The following EBF1 variants were observed in gnomAD, a reference collection of about 807,000 sequenced individuals.
EBF1 encodes the protein EBF transcription factor 1.
A neutral mutation model predicts 68.4 loss-of-function variants in EBF1; 10 were observed. The ratio of observed to expected loss-of-function variants is 0.15; its 90% confidence interval spans 0.09 to 0.25. The LOEUF (loss-of-function observed/expected upper bound fraction) is 0.25. Ranked by LOEUF, EBF1 falls within the 10% of genes least tolerant of loss-of-function variation. The probability of loss-of-function intolerance (pLI) is 1.00; values close to 1 mark genes in which losing one functional copy is unlikely to be tolerated. For missense variants in EBF1, 509 were observed against 794.4 expected (o/e 0.64, Z 4.32); for synonymous variants, 298 against 299.8 (o/e 0.99, Z 0.06).
At chr5:158,755,721 C>T (rs945279590) in intron 10 of EBF1, among the ~76,000 whole-genome samples, 2 of 152,108 alleles carry the variant, frequency 1.3e-5, no homozygotes, top group Non-Finnish European at 2.9e-5. Flanking sequence ...CCTGCAAGGG[C>T]CTTGGTACAA....
At chr5:158,826,367 T>C (rs548718748) in intron 7 of EBF1, among the ~76,000 whole-genome samples, 1 of 152,340 alleles carries the variant, frequency 6.6e-6, no homozygotes, top group Non-Finnish European at 1.5e-5. Flanking sequence ...AGATTCCCTT[T>C]CTGAGCCTCA....
chr5:158,717,305 C>T lies in EBF1; in HGVS notation c.1126-3123G>A, dbSNP rs1478031088. 7.9e-5 allele frequency among the ~76,000 whole-genome samples: 12 copies of T among 152,088 alleles called. No homozygotes were observed. In the East Asian group the frequency reaches 9.6e-4, roughly 12 times the overall value. ...AATTTCACATTAGGAAATGATTGAGCCTTGGATGTTAAAAAAAGAAATTTC... is the reference window on the plus strand; with the variant it reads ...AATTTCACATTAGGAAATGATTGAGTCTTGGATGTTAAAAAAAGAAATTTC... On this transcript the variant is annotated intron_variant, in intron 11 of 15. Coordinates refer to ENST00000313708, the MANE Select transcript of EBF1 (RefSeq NM_024007.5).
chr5:158,854,247 TAAAAACAATAA>T (rs1793537210), intron 6 of EBF1, among the ~76,000 whole-genome samples: 1 of 152,186 alleles, frequency 6.6e-6, no homozygotes, highest in Admixed American at 6.5e-5. Context: ...CATTTTAAAA[TAAAAACAATAA>T]CAAAACAAGG....
chr5:158,767,909 G>T (rs554146080), intron 10 of EBF1, among the ~76,000 whole-genome samples: 2 of 152,074 alleles, frequency 1.3e-5, no homozygotes, highest in Admixed American at 6.6e-5. Flanking sequence ...TTCAGATATC[G>T]TTAGGGTTTT....
rs569821714 is a variant in EBF1 at position 159,064,330 on chromosome 5, C to G, written c.554+9066G>C. 1.2e-4 allele frequency among the ~76,000 whole-genome samples: 19 copies of G among 152,090 alleles called. No individual in the cohort carries two copies. In the South Asian group the frequency reaches 3.7e-3, roughly 30 times the overall value. Reference sequence around the variant, plus strand: ...GAAATAAAAGAGACATTATGAAATACTGAAAACAGTGTTTTTAGCTGAGCA... The same window carrying G: ...GAAATAAAAGAGACATTATGAAATAGTGAAAACAGTGTTTTTAGCTGAGCA... On this transcript the variant is annotated intron_variant, in intron 6 of 15. Coordinates refer to ENST00000313708, the MANE Select transcript of EBF1 (RefSeq NM_024007.5).
chr5:159,079,450 C>CAT (rs1209440937), intron 5 of EBF1, among the ~76,000 whole-genome samples: 3 of 152,180 alleles, frequency 2.0e-5, no homozygotes, highest in Admixed American at 1.3e-4. Flanking sequence ...ATTTCAACCA[C>CAT]ATAATACGGG....
intron 6 of EBF1, among the ~76,000 whole-genome samples, chr5:158,926,502 G>A (rs1809720385): frequency 6.6e-6 from 1 of 151,968 alleles, no homozygotes; most frequent in Non-Finnish European, 1.5e-5. Flanking sequence ...AAAGTGGGTG[G>A]ATCACAAGGT....
At position 158,879,907 on chromosome 5, in the gene EBF1, G is replaced by A. The variant is rs554790409; in HGVS notation, c.555-39797C>T. ...TTCTGTGTCTGTCTCTCTCTCTCCC[G>A]AACCAGGCTTTCTGGAACATCAGGG... is the stretch of plus-strand genomic sequence containing the variant. On this transcript the variant is annotated intron_variant, in intron 6 of 15. Transcript: ENST00000313708. 1.1e-4 allele frequency among the ~76,000 whole-genome samples: 16 copies of A among 152,198 alleles called. No homozygotes were observed. In the East Asian group the frequency reaches 2.5e-3, roughly 24 times the overall value.
chr5:158,777,235 A>G (rs1030559814), intron 10 of EBF1, among the ~76,000 whole-genome samples, 178 bp downstream of exon 10: 2 of 152,214 alleles, frequency 1.3e-5, no homozygotes, highest in South Asian at 4.1e-4. Context: ...CACCTAGAAG[A>G]ATTCTTAATA....
intron 6 of EBF1, among the ~76,000 whole-genome samples, chr5:158,860,235 C>T (rs768946134): frequency 4.9e-4 from 75 of 152,234 alleles, no homozygotes; most frequent in Non-Finnish European, 4.6e-4. Flanking sequence ...ATGCTCACAA[C>T]AACCCTAAGA....
intron 6 of EBF1, among the ~76,000 whole-genome samples, chr5:158,904,489 A>C (rs1010286178): frequency 2.0e-5 from 3 of 152,162 alleles, no homozygotes; most frequent in African/African-American, 7.2e-5. Flanking sequence ...TTCTGGTTTT[A>C]TTGTCAGCAT....
At chr5:158,885,212 A>G (rs1251512769) in intron 6 of EBF1, among the ~76,000 whole-genome samples, 1 of 152,188 alleles carries the variant, frequency 6.6e-6, no homozygotes, top group Admixed American at 6.5e-5. Flanking sequence ...TGACAATGGG[A>G]AGACATGGAA....
rs1340281783 is a variant in EBF1, at chr5:158,969,900, GA to G, written c.554+103495del. Among the ~76,000 whole-genome samples, 1,002 of 107,180 alleles carry G rather than the reference GA, an allele frequency of 9.3e-3. 19 individuals are homozygous for G. The highest frequency in any genetic ancestry group is 0.018 in the Middle Eastern group (4 of 226). The allele number at this position is 107,180 out of a possible 152,430, so 70.3% of individuals were successfully genotyped here. ...AGAAAGAAAGAAAGAAAGAAAGAAA[GA>G]AAGAAAGAAAGAAAGAAAAAAAAAA... On this transcript the variant is annotated intron_variant, in intron 6 of 15. Transcript: ENST00000313708.
At chr5:158,823,081 G>T in intron 8 of EBF1, 95 bp downstream of exon 8, 1 of 1,552,044 alleles carries the variant, frequency 6.4e-7, no homozygotes, top group Non-Finnish European at 8.9e-7. Context: ...TTTGAAATTT[G>T]AAACAGAATA....
At chr5:159,096,081 G>C (rs1782555170) in intron 3 of EBF1, among the ~76,000 whole-genome samples, 1 of 152,260 alleles carries the variant, frequency 6.6e-6, no homozygotes, top group South Asian at 2.1e-4. Context: ...CCTCAGGAAG[G>C]GGAGGAAGAA....
At chr5:158,837,226 C>A (rs552077987) in intron 7 of EBF1, among the ~76,000 whole-genome samples, 65 of 152,256 alleles carry the variant, frequency 4.3e-4, no homozygotes, top group Non-Finnish European at 6.3e-4. Flanking sequence ...AGGGTAGAGG[C>A]CAGTGACACT....
intron 5 of EBF1, chr5:159,073,772 C>T: frequency 2.9e-6 from 1 of 350,302 alleles, no homozygotes; most frequent in East Asian, 5.1e-5. Context: ...CTGTGAAGTG[C>T]ACTGTTATTG....
chr5:159,095,794 G>C, intron 3 of EBF1, 119 bp from the exon 4 acceptor site: 1 of 1,025,646 alleles, frequency 9.7e-7, no homozygotes. Flanking sequence ...ATCACGAAAG[G>C]GGCTCCAAGG....
chr5:158,704,584 A>C (rs1372556672), intron 15 of EBF1, among the ~76,000 whole-genome samples: 4 of 152,104 alleles, frequency 2.6e-5, no homozygotes, highest in Non-Finnish European at 4.4e-5. Context: ...AGAACACTTC[A>C]GGGATCCTTA....
Sources: gnomAD v4.1 joint callset for allele counts (sites outside exome capture counted in the v4.1 genomes callset) on GRCh38, gnomAD v4.1.1 for gene constraint, MANE v1.5 for transcripts, NCBI Gene and HGNC (gene_info 2026-07-23, HGNC 2026-07-21) for gene names.